Variants in WWOX observed in about 807,000 individuals in gnomAD.
The protein encoded by WWOX is WW domain-containing oxidoreductase.
A neutral mutation model predicts 46.2 loss-of-function variants in WWOX; 69 were observed. That is an observed-to-expected ratio of 1.49 (90% CI 1.23 to 1.82). The LOEUF (loss-of-function observed/expected upper bound fraction) is 1.82, where lower values mean the gene tolerates loss of function less well. Among genes scored for constraint, WWOX ranks in the 40% most tolerant of loss-of-function variants. The probability of loss-of-function intolerance (pLI) is 0.00; values close to 1 mark genes in which losing one functional copy is unlikely to be tolerated. For synonymous variants in WWOX, 359 were observed against 202.6 expected (o/e 1.77, Z -6.56); for missense variants, 919 against 542.6 (o/e 1.69, Z -6.89).
chr16:78,475,818 C>G (rs942602363), intron 8 of WWOX, among the ~76,000 whole-genome samples: 1 of 152,150 alleles, frequency 6.6e-6, no homozygotes. Flanking sequence ...TGGTCTTGAA[C>G]TCCTGAATTC....
chr16:78,871,178 T>G (rs1209935438), intron 8 of WWOX, among the ~76,000 whole-genome samples: 1 of 152,050 alleles, frequency 6.6e-6, no homozygotes, highest in Non-Finnish European at 1.5e-5. Flanking sequence ...AGGTTGTTTT[T>G]TTTTTTTTTT....
At chr16:78,530,821 T>C (rs962921389) in intron 8 of WWOX, among the ~76,000 whole-genome samples, 4 of 152,200 alleles carry the variant, frequency 2.6e-5, no homozygotes, top group Non-Finnish European at 5.9e-5. Context: ...CTAGAGATAG[T>C]GCTCATAATA....
chr16:79,115,441 A>G (rs1178189191), intron 8 of WWOX, among the ~76,000 whole-genome samples: 1 of 57,242 alleles, frequency 1.7e-5, no homozygotes, highest in Non-Finnish European at 3.1e-5. Context: ...GCCAGGACCC[A>G]AAACCCACAG....
At chr16:78,163,455 C>T (rs2034864386) in intron 4 of WWOX, among the ~76,000 whole-genome samples, 1 of 152,156 alleles carries the variant, frequency 6.6e-6, no homozygotes, top group South Asian at 2.1e-4. Flanking sequence ...ATGTCTTTTT[C>T]CTTGTTATAA....
rs536640346 is a variant in WWOX at position 78,555,716 on chromosome 16, C to T, written c.1056+122964C>T. On this transcript the variant is annotated intron_variant, in intron 8 of 8. Coordinates refer to ENST00000566780, the MANE Select transcript of WWOX (RefSeq NM_016373.4). ...TTGGACTGGAAGTAAGAAGCCCCTG[C>T]AGTTCCAAATGACTCCACATTTGGA... 3.9e-5 allele frequency among the ~76,000 whole-genome samples: 6 copies of T among 151,952 alleles called. No homozygotes were observed. In the South Asian group the frequency reaches 1.0e-3, roughly 26 times the overall value.
chr16:78,640,061 C>A (rs2046665963), intron 8 of WWOX, among the ~76,000 whole-genome samples: 1 of 152,024 alleles, frequency 6.6e-6, no homozygotes, highest in Non-Finnish European at 1.5e-5. Context: ...CAGGCAGATT[C>A]ATTTTCTTTA....
At chr16:78,686,331 G>C (rs1484570393) in intron 8 of WWOX, among the ~76,000 whole-genome samples, 1 of 151,988 alleles carries the variant, frequency 6.6e-6, no homozygotes, top group Non-Finnish European at 1.5e-5. Flanking sequence ...CTAAGTCGGT[G>C]AAACCCCGCC....
chr16:79,021,004 T>C (rs2047521609), intron 8 of WWOX, among the ~76,000 whole-genome samples: 1 of 152,138 alleles, frequency 6.6e-6, no homozygotes. Context: ...TTATTCAGCA[T>C]GGGTGGAAGA....
intron 8 of WWOX, among the ~76,000 whole-genome samples, chr16:78,650,633 T>G (rs1416279645): frequency 6.6e-6 from 1 of 152,242 alleles, no homozygotes; most frequent in East Asian, 1.9e-4. Context: ...TAGTGATGTA[T>G]TTATTATAAT....
At chr16:78,963,891 T>A (rs888259085) in intron 8 of WWOX, among the ~76,000 whole-genome samples, 12 of 152,170 alleles carry the variant, frequency 7.9e-5, no homozygotes, top group African/African-American at 2.7e-4. Flanking sequence ...TCATGGGGGC[T>A]GGTGTTTCCC....
intron 8 of WWOX, among the ~76,000 whole-genome samples, chr16:78,650,538 C>G (rs1303691299): frequency 6.6e-6 from 1 of 152,130 alleles, no homozygotes; most frequent in Non-Finnish European, 1.5e-5. Flanking sequence ...TCGTATGAAT[C>G]CAGGACACCT....
intron 8 of WWOX, among the ~76,000 whole-genome samples, chr16:78,750,122 G>C (rs2049441305): frequency 6.6e-6 from 1 of 152,218 alleles, no homozygotes; most frequent in African/African-American, 2.4e-5. Flanking sequence ...AGGAAGAAGA[G>C]AAATGAAAAT....
intron 1 of WWOX, among the ~76,000 whole-genome samples, chr16:78,104,001 G>A (rs1488654826): frequency 6.6e-6 from 1 of 152,086 alleles, no homozygotes; most frequent in African/African-American, 2.4e-5. Flanking sequence ...GAGCTGGTGG[G>A]CCTTTCTTCT....
At position 78,213,501 on chromosome 16, in the gene WWOX, T is replaced by C. The variant is rs28633651; in HGVS notation, c.516+49212T>C. On this transcript the variant is annotated intron_variant, in intron 5 of 8. Transcript: ENST00000566780. ...AAAGAATTGAAGATCAGGATACTTA[T>C]GAGCAGCGCTCACAACTGCCATAGT... Among the ~76,000 whole-genome samples the C allele has an allele frequency of 8.1e-3, 1,223 of 151,898 alleles. 19 individuals are homozygous for C. The highest frequency in any genetic ancestry group is 0.027 in the African/African-American group (1,130 of 41,446).
chr16:78,615,751 T>A (rs984085010), intron 8 of WWOX, among the ~76,000 whole-genome samples: 2 of 151,416 alleles, frequency 1.3e-5, no homozygotes, highest in Non-Finnish European at 2.9e-5. Flanking sequence ...ATCAATAGGA[T>A]AATTTTTTTT....
At chr16:78,625,167 G>A (rs182500714) in intron 8 of WWOX, among the ~76,000 whole-genome samples, 1 of 152,298 alleles carries the variant, frequency 6.6e-6, no homozygotes, top group East Asian at 1.9e-4. Context: ...ATCACGCTGA[G>A]GGATCCTTTG....
intron 8 of WWOX, among the ~76,000 whole-genome samples, chr16:79,208,600 G>A (rs2051601719): frequency 1.3e-5 from 2 of 151,496 alleles, no homozygotes; most frequent in African/African-American, 4.9e-5. Context: ...ATGAATGAAA[G>A]TCATCTGATG....
At chr16:78,931,016 C>G (rs1291344407) in intron 8 of WWOX, among the ~76,000 whole-genome samples, 1 of 152,190 alleles carries the variant, frequency 6.6e-6, no homozygotes, top group Non-Finnish European at 1.5e-5. Flanking sequence ...CAATATCTAT[C>G]TCCTACACCT....
Position 78,205,851 on chromosome 16 carries a change from T to C in WWOX, c.516+41562T>C, listed in dbSNP as rs1049417634. Among the ~76,000 whole-genome samples the C allele has an allele frequency of 2.0e-5, 3 of 149,862 alleles. 1 individual carries two copies. The highest frequency in any genetic ancestry group is 7.4e-5 in the African/African-American group (3 of 40,660). Reference sequence around the variant, plus strand: ...TACCTTCCTTCCTTCCTTCCGTCCTTCCTTCCTTCCTTCCTTCCGTCCTCC... The same window carrying C: ...TACCTTCCTTCCTTCCTTCCGTCCTCCCTTCCTTCCTTCCTTCCGTCCTCC... On this transcript the variant is annotated intron_variant, in intron 5 of 8. Transcript: ENST00000566780.
Sources: allele counts gnomAD v4.1 joint callset (sites outside exome capture counted in the v4.1 genomes callset), GRCh38; gene constraint gnomAD v4.1.1; transcripts MANE v1.5; gene names NCBI Gene and HGNC (gene_info 2026-07-23, HGNC 2026-07-21).